The following SLX4IP variants were observed in gnomAD, a reference collection of about 807,000 sequenced individuals.
The protein encoded by SLX4IP is protein SLX4IP.
Under a neutral mutation model 32.9 loss-of-function variants are expected in SLX4IP, and 34 were observed. The ratio of observed to expected loss-of-function variants is 1.03; its 90% CI spans 0.79 to 1.38. The LOEUF is 1.38. Among genes scored for constraint, SLX4IP ranks in the 40% most tolerant of loss-of-function variants. The pLI, the probability that SLX4IP is intolerant of heterozygous loss-of-function variation, is 0.00. For synonymous variants in SLX4IP, 172 were observed against 171.7 expected (o/e 1.00, Z -0.01); for missense variants, 444 against 479.0 (o/e 0.93, Z 0.68).
intron 2 of SLX4IP, among the ~76,000 whole-genome samples, chr20:10,538,019 G>T (rs1196558795): frequency 6.6e-6 from 1 of 152,138 alleles, no homozygotes; most frequent in Non-Finnish European, 1.5e-5. Context: ...GATGAATCAT[G>T]GAATAGAATT....
chr20:10,623,531 G>C lies in SLX4IP; in HGVS notation c.*152G>C. The stretch of plus-strand genomic sequence containing the variant: ...GTTATCTGTGTTATGGCTATGGTTT[G>C]TTTTCAAAGCATTTCAAACCGGGAG... On this transcript the variant is annotated 3_prime_UTR_variant, in exon 8 of 8. Transcript: ENST00000334534. 3 of 1,199,630 alleles carry C rather than the reference G, an allele frequency of 2.5e-6. No individual in the cohort carries two copies. The South Asian group carries it at 5.1e-5, about 20-fold the overall frequency. The allele number at this position is 1,199,630 out of a possible 1,614,324, so 74.3% of individuals were successfully genotyped here. A position where few individuals can be genotyped will look rare whatever the true frequency, so the allele number is the denominator to read the frequency against.
intron 6 of SLX4IP, among the ~76,000 whole-genome samples, chr20:10,618,133 T>G (rs1162751412): frequency 6.6e-6 from 1 of 152,238 alleles, no homozygotes; most frequent in African/African-American, 2.4e-5. Flanking sequence ...AACATTCATC[T>G]GTTCAGCCTT....
At chr20:10,534,442 T>C (rs1182122756) in intron 2 of SLX4IP, among the ~76,000 whole-genome samples, 3 of 152,060 alleles carry the variant, frequency 2.0e-5, no homozygotes, top group Non-Finnish European at 4.4e-5. Flanking sequence ...TCTTGAATCA[T>C]TGTTTCAAAA....
At chr20:10,450,417 A>G (rs1056026952) in intron 1 of SLX4IP, among the ~76,000 whole-genome samples, 7 of 152,242 alleles carry the variant, frequency 4.6e-5, no homozygotes, top group Non-Finnish European at 7.3e-5. Context: ...AGTTTTCAGG[A>G]CAACCTTTAT....
intron 2 of SLX4IP, among the ~76,000 whole-genome samples, chr20:10,543,538 T>C (rs150235167): frequency 1.4e-3 from 216 of 152,256 alleles, no homozygotes; most frequent in Non-Finnish European, 2.4e-3. Context: ...CCCTGGACTC[T>C]CTAGTGTTTA....
chr20:10,452,678 A>ATATATAT lies in SLX4IP; in HGVS notation c.-29-5498_-29-5497insTATATAT, dbSNP rs1365793671. On this transcript the variant is annotated intron_variant, in intron 1 of 7. Transcript: ENST00000334534. Reference sequence around the variant, plus strand: ...CGAAACTGTCTCAAAAAAAAAAAAAAAAATATATATATATATATGTAAATT... The same window carrying ATATATAT: ...CGAAACTGTCTCAAAAAAAAAAAAAATATATATAAATATATATATATATATGTAAATT... Among the ~76,000 whole-genome samples, 489 of 97,724 alleles carry ATATATAT rather than the reference A, an allele frequency of 5.0e-3. 3 individuals are homozygous for ATATATAT. The highest frequency in any genetic ancestry group is 0.014 in the African/African-American group (393 of 27,686). 64.1% of individuals were successfully genotyped at this position (97,724 alleles called of 152,430 possible).
At chr20:10,508,542 T>C (rs531173096) in intron 2 of SLX4IP, among the ~76,000 whole-genome samples, 1 of 152,376 alleles carries the variant, frequency 6.6e-6, no homozygotes, top group South Asian at 2.1e-4. Flanking sequence ...TGATGTGGGT[T>C]GATCAGGATT....
chr20:10,440,147 A>T (rs6039935), intron 1 of SLX4IP, among the ~76,000 whole-genome samples: 71,295 of 148,434 alleles, frequency 0.48, 18,349 homozygotes, highest in Non-Finnish European at 0.59. Flanking sequence ...TTTTTTTTTT[A>T]TTTTTTGCAT....
chr20:10,621,354 A>C lies in SLX4IP; in HGVS notation c.446A>C (p.Glu149Ala). ...CATGGAGTGTCTGATTACTTTGCTG[A>C]GTGTGCAGAGAGTTCACTTCCTCCC... ...VLHGVSDYFA[E>A]CAESSLPPSA... The change falls in exon 7 of 8, where the codon GAG (glutamate) becomes GCG (alanine). Residue 149 changes from glutamate (E) to alanine (A), a missense_variant. By Grantham distance (107) the Glu-to-Ala change is moderately radical. Coordinates refer to ENST00000334534, the MANE Select transcript of SLX4IP (RefSeq NM_001009608.3). 6.2e-7 allele frequency: 1 copy of C among 1,614,206 alleles called. No individual in the cohort carries two copies. Among genetic ancestry groups the C allele is most frequent in the Non-Finnish European group, 8.5e-7 (1 of 1,180,026 alleles).
chr20:10,450,821 G>T (rs554344049), intron 1 of SLX4IP, among the ~76,000 whole-genome samples: 136 of 152,210 alleles, frequency 8.9e-4, no homozygotes, highest in Non-Finnish European at 1.7e-3. Flanking sequence ...GTGCGATCTC[G>T]GCTCACTGCA....
At chr20:10,592,177 C>CT (rs1600137130) in intron 4 of SLX4IP, among the ~76,000 whole-genome samples, 2 of 152,278 alleles carry the variant, frequency 1.3e-5, no homozygotes, top group East Asian at 3.9e-4. Context: ...TTTGGAATCT[C>CT]TAAATGTCTT....
intron 6 of SLX4IP, among the ~76,000 whole-genome samples, chr20:10,604,301 G>A (rs186159633): frequency 6.6e-6 from 1 of 152,236 alleles, no homozygotes; most frequent in Non-Finnish European, 1.5e-5. Flanking sequence ...CTCTTCTGCA[G>A]CCACAGAAGT....
intron 2 of SLX4IP, among the ~76,000 whole-genome samples, chr20:10,500,979 G>T (rs2065713077): frequency 6.6e-6 from 1 of 152,160 alleles, no homozygotes; most frequent in Non-Finnish European, 1.5e-5. Flanking sequence ...TAATGCATTA[G>T]AATCCTGTAG....
intron 3 of SLX4IP, 35 bp downstream of exon 3, chr20:10,556,355 A>G (rs778558491): frequency 6.4e-7 from 1 of 1,567,932 alleles, no homozygotes; most frequent in Non-Finnish European, 8.8e-7. Flanking sequence ...AATTGCAAGT[A>G]GCTGCTGCTG....
intron 2 of SLX4IP, among the ~76,000 whole-genome samples, chr20:10,474,589 G>A (rs1202985139): frequency 6.6e-6 from 1 of 152,058 alleles, no homozygotes; most frequent in East Asian, 1.9e-4. Flanking sequence ...CCCATTTGTG[G>A]TCAAATAAGG....
At chr20:10,550,655 C>G (rs1178764310) in intron 2 of SLX4IP, among the ~76,000 whole-genome samples, 1 of 152,228 alleles carries the variant, frequency 6.6e-6, no homozygotes, top group South Asian at 2.1e-4. Flanking sequence ...TGTCCAGGGC[C>G]CCTCTGTGGC....
intron 1 of SLX4IP, among the ~76,000 whole-genome samples, chr20:10,456,928 A>G (rs2065289869): frequency 6.6e-6 from 1 of 152,214 alleles, no homozygotes; most frequent in Non-Finnish European, 1.5e-5. Context: ...CTTTTGGTGT[A>G]CAAATCTTGT....
In SLX4IP at chr20:10,496,363, A is replaced by G. The variant is rs555278121; in HGVS notation, c.27+38132A>G. 2.6e-5 allele frequency among the ~76,000 whole-genome samples: 4 copies of G among 152,110 alleles called. 1 individual carries two copies. In the South Asian group the frequency reaches 6.2e-4, roughly 24 times the overall value. The stretch of plus-strand genomic sequence containing the variant: ...CTGTCTTCTGCTTAATTCATCATAC[A>G]CAGTAATTCTCTTCTTTTAGAGTTT... On this transcript the variant is annotated intron_variant, in intron 2 of 7. Coordinates refer to ENST00000334534, the MANE Select transcript of SLX4IP (RefSeq NM_001009608.3).
At chr20:10,573,914 A>T (rs955740702) in intron 4 of SLX4IP, among the ~76,000 whole-genome samples, 2 of 152,232 alleles carry the variant, frequency 1.3e-5, no homozygotes, top group Non-Finnish European at 2.9e-5. Context: ...GAGAAAGCAA[A>T]TGCCAATAAG....
Sources: gnomAD v4.1 joint callset for allele counts (sites outside exome capture counted in the v4.1 genomes callset) on GRCh38, gnomAD v4.1.1 for gene constraint, MANE v1.5 for transcripts, NCBI Gene and HGNC (gene_info 2026-07-23, HGNC 2026-07-21) for gene names.